Variants in ASIC2 observed in about 807,000 individuals in gnomAD.
ASIC2 encodes acid-sensing ion channel 2.
Under a neutral mutation model 57.3 loss-of-function variants are expected in ASIC2, and 25 were observed. The observed-to-expected ratio is 0.44, with a 90% CI of 0.32 to 0.61. The LOEUF is 0.61. ASIC2 is among the 20% of genes least tolerant of loss of function. The pLI is 0.06. For missense variants in ASIC2, 641 were observed against 738.1 expected (o/e 0.87, Z 1.52); for synonymous variants, 319 against 307.5 (o/e 1.04, Z -0.39).
chr17:33,344,968 T>G (rs1907886929), intron 1 of ASIC2, among the ~76,000 whole-genome samples: 2 of 152,044 alleles, frequency 1.3e-5, no homozygotes, highest in Admixed American at 1.3e-4. Context: ...CGGCTTGAAT[T>G]AACAAACCAA....
At chr17:34,109,964 A>AAG (rs1012780679) in intron 1 of ASIC2, among the ~76,000 whole-genome samples, 13 of 150,812 alleles carry the variant, frequency 8.6e-5, no homozygotes, top group South Asian at 2.1e-4. Flanking sequence ...GTGAGAGAGA[A>AAG]AGAGAGAGAG....
intron 1 of ASIC2, chr17:34,051,630 C>G (rs1908558238): frequency 1.3e-5 from 2 of 152,138 alleles, no homozygotes; most frequent in South Asian, 4.1e-4. Context: ...CAACCTCACA[C>G]AAGGTCTGAC....
chr17:33,495,783 C>T (rs754782433), intron 1 of ASIC2, among the ~76,000 whole-genome samples: 8 of 152,158 alleles, frequency 5.3e-5, no homozygotes, highest in Non-Finnish European at 7.3e-5. Context: ...GCATAGGGAG[C>T]CAGGCCAGTG....
chr17:33,977,818 G>GC (rs763560578), intron 1 of ASIC2, among the ~76,000 whole-genome samples: 2 of 152,204 alleles, frequency 1.3e-5, no homozygotes, highest in African/African-American at 2.4e-5. Context: ...GACAGAGAAG[G>GC]CCTGCCCTGT....
chr17:33,143,289 A>C (rs954964211), intron 1 of ASIC2, among the ~76,000 whole-genome samples: 1 of 152,206 alleles, frequency 6.6e-6, no homozygotes, highest in Admixed American at 6.5e-5. Flanking sequence ...GGTGTGCTAA[A>C]GTCTTTTGCA....
intron 4 of ASIC2, 31 bp downstream of exon 4, chr17:33,028,211 G>GA: frequency 6.2e-7 from 1 of 1,611,782 alleles, no homozygotes; most frequent in Non-Finnish European, 8.5e-7. Context: ...CAGATCCCAG[G>GA]GCCCTGTGGC....
intron 1 of ASIC2, among the ~76,000 whole-genome samples, chr17:33,787,334 G>A (rs1303345838): frequency 6.6e-6 from 1 of 152,238 alleles, no homozygotes; most frequent in African/African-American, 2.4e-5. Context: ...ACCTGCTGAA[G>A]AAGGTGTGTA....
intron 1 of ASIC2, among the ~76,000 whole-genome samples, chr17:33,451,050 C>A (rs956763197): frequency 7.8e-6 from 1 of 127,526 alleles, no homozygotes; most frequent in Admixed American, 8.8e-5. Flanking sequence ...TTGTCAGAGG[C>A]GTACATGTAC....
chr17:33,192,021 C>T (rs1005714815), intron 1 of ASIC2, among the ~76,000 whole-genome samples: 1 of 152,136 alleles, frequency 6.6e-6, no homozygotes, highest in Non-Finnish European at 1.5e-5. Flanking sequence ...CTACTCCTTC[C>T]CCACTTCCTC....
intron 1 of ASIC2, among the ~76,000 whole-genome samples, chr17:33,638,050 C>T (rs904382354): frequency 2.6e-5 from 4 of 152,092 alleles, no homozygotes; most frequent in Non-Finnish European, 5.9e-5. Context: ...TAGATAGGCT[C>T]AGTCAGTTGC....
At chr17:33,111,472 T>C (rs1242211142) in intron 2 of ASIC2, among the ~76,000 whole-genome samples, 2 of 152,142 alleles carry the variant, frequency 1.3e-5, no homozygotes, top group Non-Finnish European at 2.9e-5. Context: ...CATCCTTTGG[T>C]ATTCCAACAC....
intron 1 of ASIC2, among the ~76,000 whole-genome samples, chr17:33,759,348 T>C (rs1224996931): frequency 1.3e-5 from 2 of 152,204 alleles, no homozygotes; most frequent in African/African-American, 4.8e-5. Flanking sequence ...GGCTGCTTCA[T>C]GATTACTTCT....
chr17:33,841,949 G>A lies in ASIC2; in HGVS notation c.555+314029C>T, dbSNP rs546973200. Among the ~76,000 whole-genome samples, 3 of 152,290 alleles carry A rather than the reference G, an allele frequency of 2.0e-5. No homozygotes were observed. The East Asian group carries it at 5.8e-4, about 29-fold the overall frequency. ...CCGCCTTATATACGGAGAATGTCCA[G>A]TGGTGGCAGGCTGTACAATATATCC... On this transcript the variant is annotated intron_variant, in intron 1 of 9. Transcript: ENST00000359872.
In ASIC2 at chr17:33,405,069, T is replaced by A. The variant is rs956055290; in HGVS notation, c.556-293002A>T. ...TAATGTTAGAGTAGGGGGACAGGCA[T>A]GTGCTTGTCTCTGATACAACTGTTT... is the stretch of plus-strand genomic sequence containing the variant. On this transcript the variant is annotated intron_variant, in intron 1 of 9. Coordinates refer to the ASIC2 transcript ENST00000359872. Among the ~76,000 whole-genome samples the A allele has an allele frequency of 5.9e-5, 9 of 151,982 alleles. 1 individual carries two copies. The East Asian group carries it at 1.7e-3, about 29-fold the overall frequency.
intron 1 of ASIC2, among the ~76,000 whole-genome samples, chr17:33,172,718 G>T (rs1034990583): frequency 2.0e-5 from 3 of 152,240 alleles, no homozygotes; most frequent in African/African-American, 7.2e-5. Context: ...ATGGAATGCA[G>T]TGGTTCTCAA....
intron 1 of ASIC2, among the ~76,000 whole-genome samples, chr17:33,935,085 C>T (rs1490196482): frequency 6.6e-6 from 1 of 152,224 alleles, no homozygotes; most frequent in Non-Finnish European, 1.5e-5. Flanking sequence ...AAGCCTCAAG[C>T]GCCAGCCATG....
chr17:33,677,046 G>A (rs1907845223), intron 1 of ASIC2, among the ~76,000 whole-genome samples: 1 of 152,154 alleles, frequency 6.6e-6, no homozygotes, highest in Non-Finnish European at 1.5e-5. Context: ...TGGCATGCTG[G>A]TGCCATGCCT....
intron 1 of ASIC2, among the ~76,000 whole-genome samples, chr17:33,264,062 A>G (rs1362405791): frequency 6.6e-6 from 1 of 152,228 alleles, no homozygotes; most frequent in Non-Finnish European, 1.5e-5. Flanking sequence ...TTCTGCATCT[A>G]TAAAGCCCAC....
chr17:33,272,822 A>C (rs1426545831), intron 1 of ASIC2, among the ~76,000 whole-genome samples: 1 of 152,220 alleles, frequency 6.6e-6, no homozygotes, highest in Non-Finnish European at 1.5e-5. Flanking sequence ...CCAGTGAGGG[A>C]GGTTTGTCAC....
Sources: gnomAD v4.1 joint callset for allele counts (sites outside exome capture counted in the v4.1 genomes callset) on GRCh38, gnomAD v4.1.1 for gene constraint, MANE v1.5 for transcripts, NCBI Gene and HGNC (gene_info 2026-07-23, HGNC 2026-07-21) for gene names.